The following TMEM217 variants were observed in gnomAD, a reference collection of about 807,000 sequenced individuals.
The protein encoded by TMEM217 is chromosome 6 open reading frame 128.
For synonymous variants in TMEM217, 76 were observed against 88.3 expected, an observed-to-expected ratio of 0.86 and a Z score of 0.78; for missense variants, 204 against 248.8, an observed-to-expected ratio of 0.82 and a Z score of 1.21.
intron 1 of TMEM217, among the ~76,000 whole-genome samples, chr6:37,254,320 C>A (rs4714051): frequency 0.18 from 27,896 of 152,058 alleles, 2,734 homozygotes; most frequent in Non-Finnish European, 0.21. Context: ...CCTCTAAGGA[C>A]CCCTTGGGAA....
chr6:37,235,466 C>T (rs966184535), intron 1 of TMEM217, among the ~76,000 whole-genome samples: 3 of 152,032 alleles, frequency 2.0e-5, no homozygotes, highest in African/African-American at 4.8e-5. Context: ...CCCAGGTTCA[C>T]GCCATTCTCC....
chr6:37,246,972 C>T (rs936457827), intron 1 of TMEM217, among the ~76,000 whole-genome samples: 3 of 151,828 alleles, frequency 2.0e-5, no homozygotes, highest in Admixed American at 6.5e-5. Flanking sequence ...ACCTATCAGG[C>T]ATGGTTAGGA....
rs560552153 is a variant in TMEM217, at chr6:37,243,758, C to G, written c.-12+13810G>C. ...GGATTACAGGCATGCACCACCACAC[C>G]TGGCTAGGGTTTTTCGAGGATAGTT... On this transcript the variant is annotated intron_variant, in intron 1 of 1. Transcript: ENST00000357219. Among the ~76,000 whole-genome samples, 40 of 152,318 alleles carry G rather than the reference C, an allele frequency of 2.6e-4. 1 individual carries two copies. Among genetic ancestry groups the G allele is most frequent in the South Asian group, 2.1e-3 (10 of 4,828 alleles).
chr6:37,234,833 G>C (rs1474656754), intron 1 of TMEM217, among the ~76,000 whole-genome samples: 3 of 152,134 alleles, frequency 2.0e-5, no homozygotes, highest in African/African-American at 7.2e-5. Flanking sequence ...GTGGTTACCT[G>C]TGAAAAGTAT....
At chr6:37,233,905 A>T (rs1355575890) in intron 1 of TMEM217, among the ~76,000 whole-genome samples, 3 of 152,210 alleles carry the variant, frequency 2.0e-5, no homozygotes, top group Non-Finnish European at 4.4e-5. Context: ...GAGTACCCAT[A>T]CAGCCATTCT....
In TMEM217 at chr6:37,217,722, C is replaced by A. The variant is rs867501923; in HGVS notation, c.*700G>T. On this transcript the variant is annotated 3_prime_UTR_variant, in exon 2 of 2. Transcript: ENST00000357219. ...TGGGGAAATCATAGCACAAACCCACCCCAGGGCCAACAGTATCCTTTGTGC... is the reference window on the plus strand; with the variant it reads ...TGGGGAAATCATAGCACAAACCCACACCAGGGCCAACAGTATCCTTTGTGC... 10 of 985,092 alleles carry A rather than the reference C, an allele frequency of 1.0e-5. No individual in the cohort carries two copies. The African/African-American group carries it at 1.7e-4, about 17-fold the overall frequency. 61.0% of individuals were successfully genotyped at this position (985,092 alleles called of 1,614,324 possible).
At chr6:37,257,797 C>G in exon 1 of TMEM217, 3 of 1,092,118 alleles carry the variant, frequency 2.7e-6, no homozygotes, top group Admixed American at 2.2e-5. Context: ...TCCCCAGGAG[C>G]TGGGAGCGGG....
chr6:37,218,468 A>C, exon 2 of TMEM217: 6 of 1,613,452 alleles, frequency 3.7e-6, no homozygotes, highest in Non-Finnish European at 4.2e-6. Context: ...TGAGCCACTG[A>C]ACCCACTCGA....
chr6:37,222,675 C>T (rs983920242), intron 1 of TMEM217, among the ~76,000 whole-genome samples: 19 of 152,180 alleles, frequency 1.2e-4, no homozygotes, highest in African/African-American at 4.6e-4. Context: ...AGGGAGGCTT[C>T]GATGCACAGC....
chr6:37,244,676 C>T (rs1764961218), intron 1 of TMEM217, among the ~76,000 whole-genome samples: 1 of 152,160 alleles, frequency 6.6e-6, no homozygotes, highest in African/African-American at 2.4e-5. Context: ...TATATTGTCA[C>T]AATAACATCA....
chr6:37,212,636 T>C (rs942306889), exon 4 of TMEM217: 2 of 531,430 alleles, frequency 3.8e-6, no homozygotes, highest in East Asian at 9.5e-5. Flanking sequence ...AAGTGATCTT[T>C]GATGATCCCG....
chr6:37,231,489 A>G (rs1243832190), intron 1 of TMEM217, among the ~76,000 whole-genome samples: 1 of 150,384 alleles, frequency 6.6e-6, no homozygotes, highest in Non-Finnish European at 1.5e-5. Context: ...CCTGGCCAAC[A>G]TGGTGAAACC....
At position 37,246,930 on chromosome 6, in the gene TMEM217, T is replaced by C. The variant is rs184442664; in HGVS notation, c.-12+10638A>G. 2.3e-4 allele frequency among the ~76,000 whole-genome samples: 35 copies of C among 151,158 alleles called. No homozygotes were observed. In the East Asian group the frequency reaches 6.4e-3, roughly 28 times the overall value. The stretch of plus-strand genomic sequence containing the variant: ...AAAAAAAAAAAAAATTCTCAGAAGA[T>C]GGGGAGACAGCCAGGTGCCGGGTCC... On this transcript the variant is annotated intron_variant, in intron 1 of 1. Transcript: ENST00000357219.
At position 37,249,608 on chromosome 6, in the gene TMEM217, AC is replaced by A. The variant is rs541821799; in HGVS notation, c.-12+7959del. On this transcript the variant is annotated intron_variant, in intron 1 of 1. Transcript: ENST00000357219. ...AGTGTTGGGATTACAGGTGTAAGCC[AC>A]CGCACCCAGTGGAAGGAAGATTTCT... Among the ~76,000 whole-genome samples the A allele has an allele frequency of 1.1e-4, 17 of 152,326 alleles. No homozygotes were observed. The South Asian group carries it at 3.5e-3, about 32-fold the overall frequency.
chr6:37,242,477 T>C (rs1205085579), intron 1 of TMEM217, among the ~76,000 whole-genome samples: 1 of 152,202 alleles, frequency 6.6e-6, no homozygotes, highest in African/African-American at 2.4e-5. Flanking sequence ...TTTAACTCTC[T>C]GAGTGGGGAA....
At chr6:37,219,509 G>A (rs1488699453) in intron 1 of TMEM217, among the ~76,000 whole-genome samples, 1 of 152,180 alleles carries the variant, frequency 6.6e-6, no homozygotes, top group African/African-American at 2.4e-5. Context: ...GGGAGGCTGA[G>A]GTGTGAGGAT....
At chr6:37,224,290 C>G (rs1763691783) in intron 1 of TMEM217, among the ~76,000 whole-genome samples, 2 of 151,370 alleles carry the variant, frequency 1.3e-5, no homozygotes, top group South Asian at 4.2e-4. Flanking sequence ...CTACCACATG[C>G]AGCTCATTAA....
chr6:37,213,038 A>T (rs780258811), downstream of TMEM217: 24 of 1,352,378 alleles, frequency 1.8e-5, no homozygotes, highest in Admixed American at 1.1e-4. Flanking sequence ...AAGATGGCAG[A>T]GGTAGCCTTA....
intron 1 of TMEM217, among the ~76,000 whole-genome samples, chr6:37,221,295 T>C (rs1763509353): frequency 6.6e-6 from 1 of 151,884 alleles, no homozygotes; most frequent in Non-Finnish European, 1.5e-5. Flanking sequence ...CAAGCGATTC[T>C]CGTGCCTCAG....
Sources: allele counts gnomAD v4.1 joint callset (sites outside exome capture counted in the v4.1 genomes callset), GRCh38; gene constraint gnomAD v4.1.1; transcripts MANE v1.5; gene names NCBI Gene and HGNC (gene_info 2026-07-23, HGNC 2026-07-21).